The following DNAH9 variants were observed in gnomAD, a reference collection of about 807,000 sequenced individuals.
DNAH9 encodes DNAH9 variant protein.
DNAH9 carries 345 observed loss-of-function variants against 471.6 expected under a neutral mutation model. The observed-to-expected ratio is 0.73, with a 90% CI of 0.67 to 0.80. DNAH9 has a LOEUF of 0.80. Among genes scored for constraint, DNAH9 ranks in the 30% least tolerant of loss-of-function variants. The pLI is 0.00. For missense variants in DNAH9, 5,407 were observed against 5,609.2 expected, an observed-to-expected ratio of 0.96 and a Z score of 1.15; for synonymous variants, 2,093 against 2,123.6, an observed-to-expected ratio of 0.99 and a Z score of 0.40.
At chr17:11,605,541 C>G (rs1184507137) in intron 1 of DNAH9, among the ~76,000 whole-genome samples, 1 of 151,932 alleles carries the variant, frequency 6.6e-6, no homozygotes, top group Non-Finnish European at 1.5e-5. Flanking sequence ...CTCTGTTGCC[C>G]AGGCTGGAGT....
Position 11,644,706 on chromosome 17 carries a change from A to C in DNAH9, c.1970+7A>C. On this transcript the variant is annotated splice_region_variant and intron_variant, in intron 11 of 68. Transcript: ENST00000262442. ...TGCTGTCATTGCTAGAAAAGTAAGC[A>C]ACTTCTGGCATTGCGTGGGTCTGCA... 6.2e-7 allele frequency: 1 copy of C among 1,606,810 alleles called. No homozygotes were observed. Among genetic ancestry groups the C allele is most frequent in the Non-Finnish European group, 8.5e-7 (1 of 1,174,550 alleles).
intron 1 of DNAH9, among the ~76,000 whole-genome samples, chr17:11,604,505 A>C (rs1049518956): frequency 1.3e-5 from 2 of 152,054 alleles, no homozygotes; most frequent in Non-Finnish European, 2.9e-5. Context: ...ACTCTCAACT[A>C]GCATATCCAG....
chr17:11,849,885 A>G (rs145092860), intron 49 of DNAH9, among the ~76,000 whole-genome samples: 133 of 152,242 alleles, frequency 8.7e-4, no homozygotes, highest in African/African-American at 2.7e-3. Context: ...TATTTGTCCA[A>G]TGATGACTGC....
At position 11,942,362 on chromosome 17, in the gene DNAH9, A is replaced by G. The variant is rs776572782; in HGVS notation, c.12720A>G (p.Glu4240=). The change falls in exon 67 of 69, where the codon GAA becomes GAG. Residue 4240 remains glutamate, a synonymous_variant. Transcript: ENST00000262442. Reference sequence around the variant, plus strand: ...TGACAGACGAGTTTAACATCCCAGAACTGATGGCCAAAGTGGAGGAGCGCA... The same window carrying G: ...TGACAGACGAGTTTAACATCCCAGAGCTGATGGCCAAAGTGGAGGAGCGCA... ...ERVTDEFNIP[E]LMAKVEERTP... is the part of the protein sequence containing the mutation. 1 of 1,614,178 alleles carries G rather than the reference A, an allele frequency of 6.2e-7. No homozygotes were observed. The highest frequency in any genetic ancestry group is 8.5e-7 in the Non-Finnish European group (1 of 1,180,026).
At chr17:11,605,462 G>A (rs2072481639) in intron 1 of DNAH9, among the ~76,000 whole-genome samples, 1 of 136,328 alleles carries the variant, frequency 7.3e-6, no homozygotes, top group African/African-American at 2.8e-5. Flanking sequence ...ATAAATGAAT[G>A]AGTAGCTTTT....
intron 9 of DNAH9, among the ~76,000 whole-genome samples, chr17:11,637,512 C>G (rs1374255235): frequency 6.6e-6 from 1 of 152,070 alleles, no homozygotes; most frequent in Non-Finnish European, 1.5e-5. Context: ...GTGGGAGGAT[C>G]GCTTGAGTTC....
rs531610097 is a variant in DNAH9 at position 11,605,144 on chromosome 17, T to A, written c.418-2985T>A. ...GGGCCTTTGCACTGGCTGTTCCTTC[T>A]CCCTGCAATATACTTCTCCCAAGGA... On this transcript the variant is annotated intron_variant, in intron 1 of 68. Coordinates refer to ENST00000262442, the MANE Select transcript of DNAH9 (RefSeq NM_001372.4). 5.9e-5 allele frequency among the ~76,000 whole-genome samples: 9 copies of A among 152,204 alleles called. No individual in the cohort carries two copies. The East Asian group carries it at 1.5e-3, about 26-fold the overall frequency.
At chr17:11,772,036 T>C (rs1318896220) in intron 38 of DNAH9, among the ~76,000 whole-genome samples, 5 of 152,208 alleles carry the variant, frequency 3.3e-5, no homozygotes, top group Admixed American at 3.3e-4. Flanking sequence ...AGAGTCTGAC[T>C]TCAGAGCCTG....
At chr17:11,824,210 A>G (rs1196060539) in intron 48 of DNAH9, among the ~76,000 whole-genome samples, 1 of 152,140 alleles carries the variant, frequency 6.6e-6, no homozygotes, top group African/African-American at 2.4e-5. Flanking sequence ...ATTAAACTAA[A>G]ATTGTGATCC....
intron 6 of DNAH9, among the ~76,000 whole-genome samples, chr17:11,625,815 A>G (rs997143327): frequency 1.3e-5 from 2 of 152,220 alleles, no homozygotes; most frequent in East Asian, 1.9e-4. Context: ...TCTTGAAAGA[A>G]GCACCCAAAT....
At chr17:11,906,306 T>C (rs556615865) in intron 61 of DNAH9, among the ~76,000 whole-genome samples, 14 of 152,156 alleles carry the variant, frequency 9.2e-5, no homozygotes, top group Non-Finnish European at 1.8e-4. Context: ...TCAACCTCAA[T>C]TCCCATTAAT....
intron 49 of DNAH9, among the ~76,000 whole-genome samples, chr17:11,847,271 G>T (rs1971259404): frequency 6.6e-6 from 1 of 152,162 alleles, no homozygotes; most frequent in Non-Finnish European, 1.5e-5. Context: ...TCTTTGTCAT[G>T]AAATCCTTGC....
intron 48 of DNAH9, among the ~76,000 whole-genome samples, chr17:11,830,329 G>T (rs1970643427): frequency 1.3e-5 from 2 of 152,170 alleles, no homozygotes; most frequent in Admixed American, 6.5e-5. Flanking sequence ...AGGAAAAGAG[G>T]GTTGTTGGAT....
rs972880617 is a variant in DNAH9, at chr17:11,898,096, C to T, written c.11406+3600C>T. Among the ~76,000 whole-genome samples the T allele has an allele frequency of 7.3e-5, 11 of 151,548 alleles. No homozygotes were observed. In the East Asian group the frequency reaches 7.8e-4, roughly 11 times the overall value. On this transcript the variant is annotated intron_variant, in intron 59 of 68. Transcript: ENST00000262442. The stretch of plus-strand genomic sequence containing the variant: ...TCTGGCTGTCTTCTGTGTCCCTCTG[C>T]GAGTCTCTGCCTTTCCACTTCTTTC...
At chr17:11,858,581 A>T (rs1971707471) in intron 50 of DNAH9, among the ~76,000 whole-genome samples, 1 of 152,130 alleles carries the variant, frequency 6.6e-6, no homozygotes. Context: ...TCATCTGACA[A>T]GTTTCCATTA....
At chr17:11,853,480 A>T (rs950118201) in intron 49 of DNAH9, among the ~76,000 whole-genome samples, 14 of 152,332 alleles carry the variant, frequency 9.2e-5, no homozygotes, top group African/African-American at 3.4e-4. Context: ...GCTGACTCAC[A>T]GGCTGTGCCT....
intron 45 of DNAH9, among the ~76,000 whole-genome samples, chr17:11,816,142 A>G (rs1228564157): frequency 2.0e-5 from 3 of 152,194 alleles, no homozygotes; most frequent in Non-Finnish European, 2.9e-5. Context: ...ACAGCACTCG[A>G]TAGCTGCACG....
At chr17:11,874,557 C>T (rs1162846366) in intron 52 of DNAH9, among the ~76,000 whole-genome samples, 1 of 152,174 alleles carries the variant, frequency 6.6e-6, no homozygotes, top group Non-Finnish European at 1.5e-5. Flanking sequence ...GGCATGGGAC[C>T]TGGTGCTGGT....
chr17:11,848,886 G>T (rs1015003090), intron 49 of DNAH9, among the ~76,000 whole-genome samples: 1 of 151,894 alleles, frequency 6.6e-6, no homozygotes, highest in African/African-American at 2.4e-5. Context: ...GCCCAGGCTG[G>T]AGTGCAGTGG....
Sources: allele counts gnomAD v4.1 joint callset (sites outside exome capture counted in the v4.1 genomes callset), GRCh38; gene constraint gnomAD v4.1.1; transcripts MANE v1.5; gene names NCBI Gene and HGNC (gene_info 2026-07-23, HGNC 2026-07-21).